Variants in NEGR1 observed in about 807,000 individuals in gnomAD.
NEGR1 encodes IgLON family member 4.
Under a neutral mutation model 40.9 loss-of-function variants are expected in NEGR1, and 10 were observed. That is an observed-to-expected ratio of 0.24 (90% CI 0.15 to 0.42). The LOEUF (loss-of-function observed/expected upper bound fraction) is 0.42, where lower values mean the gene tolerates loss of function less well. NEGR1 is among the 10% of genes least tolerant of loss of function. The pLI, the probability that NEGR1 is intolerant of heterozygous loss-of-function variation, is 1.00. For missense variants in NEGR1, 352 were observed against 438.9 expected (o/e 0.80, Z 1.77); for synonymous variants, 185 against 166.8 (o/e 1.11, Z -0.84).
At position 71,395,986 on chromosome 1, in the gene NEGR1, A is replaced by G. The variant is rs1646209002; in HGVS notation, c.*11460T>C. 1 of 152,210 alleles carries G rather than the reference A, an allele frequency of 6.6e-6. No homozygotes were observed. The highest frequency in any genetic ancestry group is 2.1e-4 in the South Asian group (1 of 4,832). 9.4% of individuals were successfully genotyped at this position (152,210 alleles called of 1,614,324 possible). On this transcript the variant is annotated 3_prime_UTR_variant, in exon 7 of 7. Transcript: ENST00000357731. ...ATTCATATCACTAATTGTAATATGT[A>G]CTAATTGTAAATGTGGAAACTGAAG...
chr1:71,946,666 C>A (rs966024783), intron 1 of NEGR1, among the ~76,000 whole-genome samples: 12 of 151,992 alleles, frequency 7.9e-5, no homozygotes, highest in Non-Finnish European at 1.5e-5. Flanking sequence ...GATATCCTAT[C>A]TTTTCTACTG....
rs115253779 is a variant in NEGR1 at position 71,850,240 on chromosome 1, C to A, written c.410-73943G>T. Among the ~76,000 whole-genome samples, 1,357 of 152,224 alleles carry A rather than the reference C, an allele frequency of 8.9e-3. 21 individuals are homozygous for A. The highest frequency in any genetic ancestry group is 0.031 in the African/African-American group (1,302 of 41,528). Reference sequence around the variant, plus strand: ...GTTTGAGTTTGACTCACTGCAACCTCCACCTTTTGGGCTCAAGCAATCCTC... The same window carrying A: ...GTTTGAGTTTGACTCACTGCAACCTACACCTTTTGGGCTCAAGCAATCCTC... On this transcript the variant is annotated intron_variant, in intron 2 of 6. Coordinates refer to ENST00000357731, the MANE Select transcript of NEGR1 (RefSeq NM_173808.3).
rs980864058 is a variant in NEGR1, at chr1:71,815,826, T to A, written c.410-39529A>T. Among the ~76,000 whole-genome samples, 25 of 150,878 alleles carry A rather than the reference T, an allele frequency of 1.7e-4. 1 individual carries two copies. Among genetic ancestry groups the A allele is most frequent in the African/African-American group, 4.4e-4 (18 of 41,362 alleles). On this transcript the variant is annotated intron_variant, in intron 2 of 6. Coordinates refer to ENST00000357731, the MANE Select transcript of NEGR1 (RefSeq NM_173808.3). ...ATCACGAACATCCTCTTCCTCGACTTTTTTTACTTATAATTTTCCCTATCC... is the reference window on the plus strand; with the variant it reads ...ATCACGAACATCCTCTTCCTCGACTATTTTTACTTATAATTTTCCCTATCC...
At chr1:71,834,345 T>C (rs1038742267) in intron 2 of NEGR1, among the ~76,000 whole-genome samples, 2 of 152,036 alleles carry the variant, frequency 1.3e-5, no homozygotes, top group Admixed American at 1.3e-4. Flanking sequence ...TTTAGATCAA[T>C]GAACTGAGTA....
At chr1:71,942,221 A>G (rs953299708) in intron 1 of NEGR1, among the ~76,000 whole-genome samples, 2 of 150,884 alleles carry the variant, frequency 1.3e-5, no homozygotes, top group African/African-American at 4.9e-5. Flanking sequence ...ATTGAAAACT[A>G]TCAGCCACTA....
At chr1:71,940,419 T>C (rs1645948259) in intron 1 of NEGR1, among the ~76,000 whole-genome samples, 1 of 152,208 alleles carries the variant, frequency 6.6e-6, no homozygotes, top group African/African-American at 2.4e-5. Flanking sequence ...AATATCATGA[T>C]AAATACTTAA....
At chr1:71,591,545 T>C (rs1435217467) in intron 6 of NEGR1, among the ~76,000 whole-genome samples, 1 of 152,146 alleles carries the variant, frequency 6.6e-6, no homozygotes, top group Non-Finnish European at 1.5e-5. Flanking sequence ...CAAAGAAGTA[T>C]CAATATTTAC....
chr1:72,170,028 A>C (rs1288797584), intron 1 of NEGR1, among the ~76,000 whole-genome samples: 1 of 152,136 alleles, frequency 6.6e-6, no homozygotes, highest in East Asian at 1.9e-4. Context: ...AGTACTATAT[A>C]TTATTTCAAT....
intron 1 of NEGR1, among the ~76,000 whole-genome samples, chr1:71,988,355 A>T (rs1038754567): frequency 6.6e-6 from 1 of 151,766 alleles, no homozygotes; most frequent in Non-Finnish European, 1.5e-5. Flanking sequence ...CTGGCTAACA[A>T]GGTGAAACCC....
intron 3 of NEGR1, among the ~76,000 whole-genome samples, chr1:71,754,865 C>T (rs1292166425): frequency 1.3e-5 from 2 of 152,176 alleles, no homozygotes; most frequent in Non-Finnish European, 2.9e-5. Flanking sequence ...ATCTGTCACA[C>T]TGGAAACTCT....
intron 1 of NEGR1, among the ~76,000 whole-genome samples, chr1:71,987,045 T>A (rs2100349824): frequency 6.6e-6 from 1 of 152,316 alleles, no homozygotes; most frequent in South Asian, 2.1e-4. Context: ...GAGTGTTTTC[T>A]GAGCAAGAGA....
Position 71,846,052 on chromosome 1 carries a change from C to T in NEGR1, c.410-69755G>A, listed in dbSNP as rs144058415. On this transcript the variant is annotated intron_variant, in intron 2 of 6. Coordinates refer to ENST00000357731, the MANE Select transcript of NEGR1 (RefSeq NM_173808.3). Reference sequence around the variant, plus strand: ...GCCCTAGGATTACAGGCATGGGCCACCACCCCCAGCCAAGAGCCAGATTTA... The same window carrying T: ...GCCCTAGGATTACAGGCATGGGCCATCACCCCCAGCCAAGAGCCAGATTTA... Among the ~76,000 whole-genome samples the T allele has an allele frequency of 3.4e-4, 52 of 151,784 alleles. No individual in the cohort carries two copies. In the East Asian group the frequency reaches 0.01, roughly 30 times the overall value.
intron 6 of NEGR1, among the ~76,000 whole-genome samples, chr1:71,521,900 A>G (rs1175479691): frequency 6.6e-6 from 1 of 151,972 alleles, no homozygotes; most frequent in Non-Finnish European, 1.5e-5. Flanking sequence ...CATAGTTAAC[A>G]TGGGGGATGA....
intron 1 of NEGR1, among the ~76,000 whole-genome samples, chr1:72,126,088 AGTATGTGTGTGT>A (rs760343004): frequency 4.2e-4 from 55 of 129,416 alleles, no homozygotes; most frequent in African/African-American, 1.4e-3. Context: ...ATTAGAGAAA[AGTATGTGTGTGT>A]GTGTGTGTGT....
At chr1:71,548,584 A>G (rs1647975282) in intron 6 of NEGR1, among the ~76,000 whole-genome samples, 1 of 151,686 alleles carries the variant, frequency 6.6e-6, no homozygotes, top group African/African-American at 2.4e-5. Context: ...TGACGTTTGA[A>G]TCATGTGTCA....
chr1:71,792,369 G>C (rs1391175806), intron 2 of NEGR1, among the ~76,000 whole-genome samples: 2 of 152,102 alleles, frequency 1.3e-5, no homozygotes, highest in Admixed American at 6.6e-5. Flanking sequence ...AGATTGATGT[G>C]TTAGTATAAA....
chr1:71,852,000 A>G (rs1659618981), intron 2 of NEGR1, among the ~76,000 whole-genome samples: 1 of 152,192 alleles, frequency 6.6e-6, no homozygotes, highest in Non-Finnish European at 1.5e-5. Flanking sequence ...ATAGCAAAGT[A>G]TAAAGGGCAC....
intron 1 of NEGR1, among the ~76,000 whole-genome samples, chr1:72,062,623 A>C (rs1647196547): frequency 1.3e-5 from 2 of 151,944 alleles, no homozygotes; most frequent in Admixed American, 1.3e-4. Context: ...TTCCCAAAAT[A>C]CATGTGTATC....
At chr1:72,123,693 T>A (rs1218300669) in intron 1 of NEGR1, among the ~76,000 whole-genome samples, 1 of 151,928 alleles carries the variant, frequency 6.6e-6, no homozygotes, top group Non-Finnish European at 1.5e-5. Flanking sequence ...CTTAAAAAAA[T>A]TAGTCTTAAG....
Sources: gnomAD v4.1 joint callset for allele counts (sites outside exome capture counted in the v4.1 genomes callset) on GRCh38, gnomAD v4.1.1 for gene constraint, MANE v1.5 for transcripts, NCBI Gene and HGNC (gene_info 2026-07-23, HGNC 2026-07-21) for gene names.